PA2G4: variants seen among roughly 807,000 people sequenced by gnomAD.
PA2G4 encodes proliferation-associated 2G4, also known as proliferation-associated protein 2G4.
A neutral mutation model predicts 53.3 loss-of-function variants in PA2G4; 8 were observed. That is an observed-to-expected ratio of 0.15 (90% CI 0.09 to 0.27). The LOEUF (loss-of-function observed/expected upper bound fraction) is 0.27, where lower values mean the gene tolerates loss of function less well. Among genes scored for constraint, PA2G4 ranks in the 10% least tolerant of loss-of-function variants. The probability of loss-of-function intolerance (pLI) is 1.00; values close to 1 mark genes in which losing one functional copy is unlikely to be tolerated. For synonymous variants in PA2G4, 143 were observed against 169.8 expected, an observed-to-expected ratio of 0.84 and a Z score of 1.23; for missense variants, 208 against 486.8, an observed-to-expected ratio of 0.43 and a Z score of 5.39.
At position 56,112,983 on chromosome 12, in the gene PA2G4, C is replaced by T. The variant is rs555497946; in HGVS notation, c.*95C>T. 49 of 795,064 alleles carry T rather than the reference C, an allele frequency of 6.2e-5. No homozygotes were observed. The highest frequency in any genetic ancestry group is 9.0e-5 in the Admixed American group (3 of 33,278). 49.3% of individuals were successfully genotyped at this position (795,064 alleles called of 1,614,324 possible). ...AGTGCAGTTCTTCTCCACCTAGGAC[C>T]GCCAGCAGAGCGGGGGGATCTCCCT... On this transcript the variant is annotated 3_prime_UTR_variant, in exon 13 of 13. Transcript: ENST00000303305.
In PA2G4 at chr12:56,111,163, A is replaced by G. The variant is rs1185553158; in HGVS notation, c.938-19A>G. On this transcript the variant is annotated intron_variant, in intron 10 of 12. Coordinates refer to ENST00000303305, the MANE Select transcript of PA2G4 (RefSeq NM_006191.3). Reference sequence around the variant, plus strand: ...ACAAAGGAACTTTTTATCAAAACACATCTTCATTTTTGCCATAGGTGAATT... The same window carrying G: ...ACAAAGGAACTTTTTATCAAAACACGTCTTCATTTTTGCCATAGGTGAATT... 7 of 1,614,210 alleles carry G rather than the reference A, an allele frequency of 4.3e-6. No individual in the cohort carries two copies. The highest frequency in any genetic ancestry group is 5.9e-6 in the Non-Finnish European group (7 of 1,180,020).
In PA2G4 at chr12:56,113,474, TA is replaced by T. The variant is rs1353293467; in HGVS notation, c.*587del. 1 of 219,136 alleles carries T rather than the reference TA, an allele frequency of 4.6e-6. No individual in the cohort carries two copies. Among genetic ancestry groups the T allele is most frequent in the African/African-American group, 2.3e-5 (1 of 43,602 alleles). The allele number at this position is 219,136 out of a possible 1,614,324, so 13.6% of individuals were successfully genotyped here. On this transcript the variant is annotated 3_prime_UTR_variant, in exon 13 of 13. Coordinates refer to ENST00000303305, the MANE Select transcript of PA2G4 (RefSeq NM_006191.3). ...CATTTTAGGAGCTGGAGCCTTCATTTATGAAGAGATTCTCATCTATGAAATG... is the reference window on the plus strand; with the variant it reads ...CATTTTAGGAGCTGGAGCCTTCATTTTGAAGAGATTCTCATCTATGAAATG...
In PA2G4 at chr12:56,109,863, T is replaced by C. The variant is rs768750897; in HGVS notation, c.557T>C (p.Leu186Pro). ...SFNCTPIEGMLSHQLKQHVID... is the reference protein window; with the variant it reads ...SFNCTPIEGMPSHQLKQHVID... ...GGTTGTGTACTATCTACAGGTATGC[T>C]GTCACACCAGTTGAAGCAGCATGTC... The change falls in exon 7 of 13, where the codon CTG becomes CCG. Residue 186 changes from leucine to proline, a missense_variant. Physicochemically the swap from Leu to Pro is moderately conservative, Grantham distance 98. Transcript: ENST00000303305. 1 of 1,612,286 alleles carries C rather than the reference T, an allele frequency of 6.2e-7. No homozygotes were observed. Among genetic ancestry groups the C allele is most frequent in the Non-Finnish European group, 8.5e-7 (1 of 1,178,426 alleles).
Position 56,113,017 on chromosome 12 carries a change from C to T in PA2G4, c.*129C>T, listed in dbSNP as rs1168089747. ...AGCGGGGGGATCTCCCTGCCCCCAC[C>T]CCAGTTCCCCAACCCACTCCCTTCC... On this transcript the variant is annotated 3_prime_UTR_variant, in exon 13 of 13. Coordinates refer to ENST00000303305, the MANE Select transcript of PA2G4 (RefSeq NM_006191.3). 2 of 560,992 alleles carry T rather than the reference C, an allele frequency of 3.6e-6. No individual in the cohort carries two copies. Among genetic ancestry groups the T allele is most frequent in the Non-Finnish European group, 6.0e-6 (2 of 332,150 alleles). 34.8% of individuals were successfully genotyped at this position (560,992 alleles called of 1,614,324 possible).
At chr12:56,109,702 T>C (rs1869378575) in intron 6 of PA2G4, among the ~76,000 whole-genome samples, 155 bp from the exon 7 acceptor site, 1 of 151,784 alleles carries the variant, frequency 6.6e-6, no homozygotes, top group Non-Finnish European at 1.5e-5. Flanking sequence ...CTATCCTGGC[T>C]ATAACCCAGT....
At chr12:56,110,267 G>A (rs1869391862) in intron 7 of PA2G4, 132 bp from the exon 8 acceptor site, 2 of 644,376 alleles carry the variant, frequency 3.1e-6, no homozygotes, top group Non-Finnish European at 5.5e-6. Context: ...GGCTGAGGCA[G>A]GAGAGTTGCT....
At chr12:56,111,684 T>C (rs930822003) in intron 12 of PA2G4, among the ~76,000 whole-genome samples, 155 bp downstream of exon 12, 1 of 145,028 alleles carries the variant, frequency 6.9e-6, no homozygotes, top group Non-Finnish European at 1.5e-5. Flanking sequence ...AAATTGAAAA[T>C]ACTGTAAGTC....
rs759262787 is a variant in PA2G4 at position 56,112,874 on chromosome 12, G to C, written c.1171G>C (p.Glu391Gln). Residue 391 changes from glutamate (E) to glutamine (Q), a missense_variant, in exon 13 of 13, where the codon GAA becomes CAA. Around this residue, in one of 3 missense-constraint regions of PA2G4, gnomAD observed 50 missense variants for 82.3 expected, o/e 0.61. Transcript: ENST00000303305. ...ATSGETLEEN[E>Q]AGD ...CAGTGGGGAAACATTAGAAGAAAAT[G>C]AAGCTGGGGACTGAGGTGGGTCCCA... The C allele has an allele frequency of 6.4e-7, 1 of 1,574,058 alleles. No homozygotes were observed. Among genetic ancestry groups the C allele is most frequent in the East Asian group, 2.4e-5 (1 of 41,306 alleles).
intron 12 of PA2G4, 66 bp from the exon 13 acceptor site, chr12:56,112,757 G>T: frequency 9.2e-7 from 1 of 1,089,064 alleles, no homozygotes; most frequent in South Asian, 1.4e-5. Context: ...TTTTATCTCT[G>T]GTCCCAGACA....
intron 9 of PA2G4, 46 bp downstream of exon 9, chr12:56,110,738 A>G (rs369568666): frequency 3.2e-5 from 52 of 1,610,014 alleles, no homozygotes; most frequent in Non-Finnish European, 4.3e-5. Flanking sequence ...CTCACAGACC[A>G]TACACCCAGG....
rs746871475 is a variant in PA2G4 at position 56,111,517 on chromosome 12, GA to G, written c.1115del (p.Lys372ArgfsTer16). The G allele has an allele frequency of 1.2e-6, 2 of 1,610,176 alleles. No homozygotes were observed. On this transcript the variant is annotated frameshift_variant, in exon 12 of 13. Coordinates refer to ENST00000303305, the MANE Select transcript of PA2G4 (RefSeq NM_006191.3). LOFTEE classifies it high-confidence loss of function. ...CTGCAAGTCGAAAAACCCAGAAAAA[GA>G]AAAAAAAGAAGGTGTGTTATTAACG... ...SSASRKTQKK[K>X]KKKASKTAEN...
chr12:56,111,306 A>G lies in PA2G4; in HGVS notation c.1062A>G (p.Leu354=), dbSNP rs746467883. 1.2e-5 allele frequency: 20 copies of G among 1,614,038 alleles called. No homozygotes were observed. The East Asian group carries it at 4.5e-4, about 36-fold the overall frequency. The change falls in exon 11 of 13, where the codon CTA becomes CTG. Residue 354 remains leucine (L), a synonymous_variant. Transcript: ENST00000303305. ...AGATGGAGGTCCAGGATGCAGAGCT[A>G]AAGGTTAGTATGGAATAGAAGGTGG... ...KSEMEVQDAE[L]KALLQSSASR... is the part of the protein sequence containing the mutation.
intron 2 of PA2G4, 128 bp from the exon 3 acceptor site, chr12:56,106,862 C>T: frequency 7.9e-7 from 1 of 1,259,770 alleles, no homozygotes. Context: ...GGGATACAAG[C>T]AGTTTCCTAC....
rs1266911478 is a variant in PA2G4, at chr12:56,107,219, C to G, written c.356C>G (p.Ala119Gly). The G allele has an allele frequency of 6.2e-7, 1 of 1,613,664 alleles. No homozygotes were observed. The highest frequency in any genetic ancestry group is 1.1e-5 in the South Asian group (1 of 91,052). ...DLGVHVDGFI[A>G]NVAHTFVVDV... ...GGGGTCCATGTGGATGGCTTCATCGCTAATGTAGCTCACACTTTTGTGGTT... is the reference window on the plus strand; with the variant it reads ...GGGGTCCATGTGGATGGCTTCATCGGTAATGTAGCTCACACTTTTGTGGTT... Residue 119 changes from alanine (A) to glycine (G), a missense_variant, in exon 4 of 13, where the codon GCT becomes GGT. Ala to Gly is a moderately conservative substitution (Grantham distance 60). Around this residue, in one of 3 missense-constraint regions of PA2G4, gnomAD observed 143 missense variants for 386.8 expected, o/e 0.37. Transcript: ENST00000303305.
chr12:56,113,605 G>A lies in PA2G4; in HGVS notation c.*717G>A, dbSNP rs1044417124. ...TCTGGAGTCAGTGGGGTCTTTCCTC[G>A]CTCCATCTTACACAGACCTGAGCTG... is the stretch of plus-strand genomic sequence containing the variant. On this transcript the variant is annotated 3_prime_UTR_variant, in exon 13 of 13. Transcript: ENST00000303305. 44 of 472,478 alleles carry A rather than the reference G, an allele frequency of 9.3e-5. No individual in the cohort carries two copies. Among genetic ancestry groups the A allele is most frequent in the Admixed American group, 1.5e-4 (4 of 26,146 alleles). 29.3% of individuals were successfully genotyped at this position (472,478 alleles called of 1,614,324 possible). A position where few individuals can be genotyped will look rare whatever the true frequency, so the allele number is the denominator to read the frequency against.
chr12:56,104,996 CG>C (rs764189368), intron 1 of PA2G4, 171 bp downstream of exon 1: 3 of 727,886 alleles, frequency 4.1e-6, no homozygotes, highest in Admixed American at 4.0e-5. Flanking sequence ...GGGACCTGAG[CG>C]GGCAGGCCCA....
intron 7 of PA2G4, 138 bp downstream of exon 7, chr12:56,110,073 T>C: frequency 1.4e-6 from 1 of 710,526 alleles, no homozygotes. Context: ...ATTCCCTTTC[T>C]CTAGGCCGGG....
chr12:56,109,158 G>T (rs1592235858), intron 5 of PA2G4, 72 bp from the exon 6 acceptor site: 14 of 828,144 alleles, frequency 1.7e-5, no homozygotes, highest in Admixed American at 4.4e-5. Flanking sequence ...GTTCTTTTAT[G>T]CTTCTTATTC....
Position 56,113,210 on chromosome 12 carries a change from G to A in PA2G4, c.*322G>A, listed in dbSNP as rs1869468823. The A allele has an allele frequency of 4.5e-6, 1 of 222,808 alleles. No homozygotes were observed. The highest frequency in any genetic ancestry group is 1.2e-4 in the East Asian group (1 of 8,666). The allele number at this position is 222,808 out of a possible 1,614,324, so 13.8% of individuals were successfully genotyped here. A position where few individuals can be genotyped will look rare whatever the true frequency, so the allele number is the denominator to read the frequency against. ...TTCTACTACTCTCTGCTTGGTCAAG[G>A]TTTGTGCCCCACTACAGAACAGGGC... is the stretch of plus-strand genomic sequence containing the variant. On this transcript the variant is annotated 3_prime_UTR_variant, in exon 13 of 13. Coordinates refer to ENST00000303305, the MANE Select transcript of PA2G4 (RefSeq NM_006191.3).
Sources: gnomAD v4.1 joint callset for allele counts (sites outside exome capture counted in the v4.1 genomes callset) on GRCh38, gnomAD v4.1.1 for gene constraint, gnomAD v4.1.1 regional missense constraint, MANE v1.5 for transcripts, NCBI Gene and HGNC (gene_info 2026-07-23, HGNC 2026-07-21) for gene names.